The following CCDC83 variants were observed in gnomAD, a reference collection of about 807,000 sequenced individuals.
The protein encoded by CCDC83 is coiled-coil domain containing 83.
In CCDC83, 54 loss-of-function variants were observed where a neutral mutation model predicts 50.1. That is an observed-to-expected ratio of 1.08 (90% CI 0.87 to 1.35). The LOEUF (loss-of-function observed/expected upper bound fraction) is 1.35, where lower values mean the gene tolerates loss of function less well. Ranked by LOEUF, CCDC83 falls within the 40% of genes most tolerant of loss-of-function variation. CCDC83 has a pLI of 0.00. For synonymous variants in CCDC83, 161 were observed against 153.3 expected (o/e 1.05, Z -0.37); for missense variants, 518 against 473.9 (o/e 1.09, Z -0.86).
At chr11:85,889,216 G>T (rs1399969384) in intron 5 of CCDC83, among the ~76,000 whole-genome samples, 1 of 152,224 alleles carries the variant, frequency 6.6e-6, no homozygotes, top group African/African-American at 2.4e-5. Context: ...AGCTGGGTGT[G>T]GTGCCGCACA....
chr11:85,888,929 C>T (rs974167402), intron 5 of CCDC83, among the ~76,000 whole-genome samples: 11 of 152,198 alleles, frequency 7.2e-5, no homozygotes, highest in African/African-American at 2.7e-4. Context: ...CAGTAGAATA[C>T]TTTTTAAAAA....
intron 2 of CCDC83, among the ~76,000 whole-genome samples, chr11:85,869,011 G>A (rs1415604269): frequency 3.3e-5 from 5 of 151,980 alleles, no homozygotes; most frequent in South Asian, 2.1e-4. Flanking sequence ...AAATGTTGTC[G>A]GATCTTGTCT....
At chr11:85,863,922 A>T (rs1024144472) in intron 1 of CCDC83, among the ~76,000 whole-genome samples, 1 of 152,248 alleles carries the variant, frequency 6.6e-6, no homozygotes, top group African/African-American at 2.4e-5. Context: ...TATATCTCAG[A>T]CACTATGCTA....
At chr11:85,877,117 G>A (rs1037855614) in intron 3 of CCDC83, among the ~76,000 whole-genome samples, 3 of 152,110 alleles carry the variant, frequency 2.0e-5, no homozygotes, top group African/African-American at 7.2e-5. Flanking sequence ...TTCATATGGG[G>A]TTTGGGAAAT....
At chr11:85,916,947 C>A (rs1210662952) in intron 10 of CCDC83, among the ~76,000 whole-genome samples, 1 of 151,606 alleles carries the variant, frequency 6.6e-6, no homozygotes, top group East Asian at 1.9e-4. Context: ...CCTATCTCTA[C>A]TAAATATACC....
chr11:85,867,962 G>A (rs1035210033), intron 2 of CCDC83, among the ~76,000 whole-genome samples: 1 of 152,206 alleles, frequency 6.6e-6, no homozygotes, highest in African/African-American at 2.4e-5. Context: ...TGACAGAACT[G>A]TTGTCACATG....
At chr11:85,895,490 G>T (rs2093370078) in intron 6 of CCDC83, 106 bp downstream of exon 6, 1 of 637,822 alleles carries the variant, frequency 1.6e-6, no homozygotes, top group Admixed American at 3.4e-5. Flanking sequence ...TCTCAGATTT[G>T]GGATGCTCAA....
intron 2 of CCDC83, among the ~76,000 whole-genome samples, chr11:85,870,252 G>A (rs2093229539): frequency 6.6e-6 from 1 of 152,196 alleles, no homozygotes; most frequent in African/African-American, 2.4e-5. Context: ...TGCATGCTCA[G>A]TCATCACCAA....
At chr11:85,918,399 C>A (rs969489050) in intron 10 of CCDC83, among the ~76,000 whole-genome samples, 1 of 152,102 alleles carries the variant, frequency 6.6e-6, no homozygotes, top group Non-Finnish European at 1.5e-5. Flanking sequence ...ATACAGTGAA[C>A]ACTTGGGAAA....
rs138521516 is a variant in CCDC83 at position 85,911,255 on chromosome 11, C to T, written c.673-26C>T. ...ATAGAACTGAATCAATAAGTACCAA[C>T]ATTCATTCTCTTCTTCTGAGAACAG... is the stretch of plus-strand genomic sequence containing the variant. On this transcript the variant is annotated intron_variant, in intron 7 of 10. Coordinates refer to ENST00000342404, the MANE Select transcript of CCDC83 (RefSeq NM_001286159.2). 8.2e-4 allele frequency: 1,267 copies of T among 1,549,738 alleles called. 13 individuals carry two copies. The African/African-American group carries it at 0.016, about 19-fold the overall frequency.
intron 3 of CCDC83, among the ~76,000 whole-genome samples, chr11:85,880,965 G>A (rs2093296235): frequency 6.6e-6 from 1 of 152,078 alleles, no homozygotes; most frequent in Non-Finnish European, 1.5e-5. Context: ...TTTTCCCCTT[G>A]GGGATGCTGA....
chr11:85,905,866 G>A (rs1360924973), intron 7 of CCDC83, among the ~76,000 whole-genome samples: 2 of 150,112 alleles, frequency 1.3e-5, no homozygotes, highest in Non-Finnish European at 3.0e-5. Context: ...CTACTCAGTA[G>A]GCTGAGGCAG....
At position 85,919,688 on chromosome 11, in the gene CCDC83, T is replaced by A. The variant is rs192329630; in HGVS notation, c.*178T>A. The A allele has an allele frequency of 1.7e-6, 1 of 572,646 alleles. No individual in the cohort carries two copies. The highest frequency in any genetic ancestry group is 3.0e-6 in the Non-Finnish European group (1 of 329,088). 35.5% of individuals were successfully genotyped at this position (572,646 alleles called of 1,614,324 possible). A position where few individuals can be genotyped will look rare whatever the true frequency, so the allele number is the denominator to read the frequency against. On this transcript the variant is annotated 3_prime_UTR_variant, in exon 11 of 11. Transcript: ENST00000342404. ...CAGCTATTCATTTACTTGCATGGTATGAGTGACCAAAACGGAAGCACGCTT... is the reference window on the plus strand; with the variant it reads ...CAGCTATTCATTTACTTGCATGGTAAGAGTGACCAAAACGGAAGCACGCTT...
intron 3 of CCDC83, among the ~76,000 whole-genome samples, chr11:85,875,727 T>C (rs1228515226): frequency 6.6e-6 from 1 of 152,252 alleles, no homozygotes; most frequent in Non-Finnish European, 1.5e-5. Flanking sequence ...GTCATAGATA[T>C]TTAACATGAC....
intron 3 of CCDC83, 133 bp downstream of exon 3, chr11:85,873,428 C>A: frequency 2.2e-6 from 1 of 445,566 alleles, no homozygotes. Flanking sequence ...GATTTACAAT[C>A]TATTTAAGTT....
intron 7 of CCDC83, among the ~76,000 whole-genome samples, chr11:85,904,841 G>A (rs1376385803): frequency 6.6e-6 from 1 of 152,154 alleles, no homozygotes; most frequent in African/African-American, 2.4e-5. Context: ...ATTTGACTGA[G>A]TATAGTGAGT....
At chr11:85,912,525 T>G (rs1226588992) in intron 8 of CCDC83, 1 of 690,946 alleles carries the variant, frequency 1.4e-6, no homozygotes, top group Non-Finnish European at 2.6e-6. Flanking sequence ...GAATGAGGAT[T>G]GATTACTGAA....
intron 5 of CCDC83, among the ~76,000 whole-genome samples, chr11:85,889,091 C>T (rs2093339869): frequency 6.6e-6 from 1 of 152,208 alleles, no homozygotes; most frequent in East Asian, 1.9e-4. Context: ...GTGTCTCACG[C>T]CTGTAATACC....
intron 4 of CCDC83, among the ~76,000 whole-genome samples, chr11:85,883,529 T>C (rs2093312061): frequency 6.6e-6 from 1 of 152,164 alleles, no homozygotes; most frequent in South Asian, 2.1e-4. Context: ...GGGCATACTC[T>C]TGCTGTAGGC....
Sources: gnomAD v4.1 joint callset for allele counts (sites outside exome capture counted in the v4.1 genomes callset) on GRCh38, gnomAD v4.1.1 for gene constraint, MANE v1.5 for transcripts, NCBI Gene and HGNC (gene_info 2026-07-23, HGNC 2026-07-21) for gene names.